The following PTPRG variants were observed in gnomAD, a reference collection of about 807,000 sequenced individuals.
PTPRG encodes the protein receptor-type tyrosine-protein phosphatase gamma.
PTPRG carries 102 observed loss-of-function variants against 165.3 expected under a neutral mutation model. That is an observed-to-expected ratio of 0.62 (90% CI 0.53 to 0.73). PTPRG has a LOEUF of 0.73. PTPRG is among the 30% of genes least tolerant of loss of function. The pLI is 0.00. For synonymous variants in PTPRG, 675 were observed against 669.5 expected (o/e 1.01, Z -0.13); for missense variants, 1,866 against 1,861.4 (o/e 1.00, Z -0.05).
chr3:62,073,817 G>A (rs185388676), intron 4 of PTPRG, among the ~76,000 whole-genome samples: 26 of 152,254 alleles, frequency 1.7e-4, no homozygotes, highest in African/African-American at 5.1e-4. Flanking sequence ...TGCCCTGTAC[G>A]CTTCCAACTG....
chr3:62,133,928 A>T (rs1703610222), intron 6 of PTPRG, among the ~76,000 whole-genome samples: 1 of 152,062 alleles, frequency 6.6e-6, no homozygotes, highest in Admixed American at 6.5e-5. Context: ...GGTTGCAGTG[A>T]GCCAAAATTG....
chr3:61,993,593 C>T (rs1312127592), intron 3 of PTPRG, among the ~76,000 whole-genome samples: 1 of 152,102 alleles, frequency 6.6e-6, no homozygotes, highest in East Asian at 1.9e-4. Context: ...TGCATTATTT[C>T]TTACAACTGC....
rs577492226 is a variant in PTPRG, at chr3:62,211,969, T to A, written c.2156-6882T>A. Among the ~76,000 whole-genome samples the A allele has an allele frequency of 4.9e-4, 74 of 151,966 alleles. 1 individual carries two copies. In the South Asian group the frequency reaches 5.8e-3, roughly 12 times the overall value. ...CTGTTTTTCTTTTCTTTTTTTTTTT[T>A]AATTTTTTTTTAAAAAGCAGAATGG... On this transcript the variant is annotated intron_variant, in intron 12 of 29. Coordinates refer to ENST00000474889, the MANE Select transcript of PTPRG (RefSeq NM_002841.4).
At chr3:61,968,259 C>CT (rs112456456) in intron 2 of PTPRG, among the ~76,000 whole-genome samples, 2,456 of 151,854 alleles carry the variant, frequency 0.016, 57 homozygotes, top group African/African-American at 0.051. Flanking sequence ...TCATATTCTG[C>CT]TTTTTTTTGC....
At chr3:61,673,395 C>G (rs537662995) in intron 1 of PTPRG, among the ~76,000 whole-genome samples, 1 of 152,206 alleles carries the variant, frequency 6.6e-6, no homozygotes, top group African/African-American at 2.4e-5. Flanking sequence ...AACACCAGCT[C>G]AAGACTTTAC....
intron 2 of PTPRG, among the ~76,000 whole-genome samples, chr3:61,925,054 C>G (rs958080003): frequency 2.7e-5 from 4 of 147,448 alleles, no homozygotes; most frequent in African/African-American, 1.0e-4. Context: ...ACTTCCTAGC[C>G]TCCAGAACTG....
chr3:62,284,572 C>G (rs963993086), intron 28 of PTPRG, among the ~76,000 whole-genome samples: 3 of 152,048 alleles, frequency 2.0e-5, no homozygotes, highest in African/African-American at 7.2e-5. Flanking sequence ...TGAACAGTTG[C>G]TAGCTCTAGT....
At chr3:62,032,733 G>A (rs1374220830) in intron 4 of PTPRG, among the ~76,000 whole-genome samples, 2 of 152,192 alleles carry the variant, frequency 1.3e-5, no homozygotes, top group African/African-American at 4.8e-5. Context: ...TTTCAGGAGT[G>A]ACATGTAGCT....
chr3:62,054,192 G>A (rs746352864), intron 4 of PTPRG, among the ~76,000 whole-genome samples: 1 of 152,038 alleles, frequency 6.6e-6, no homozygotes, highest in Non-Finnish European at 1.5e-5. Flanking sequence ...GTCATTCTTG[G>A]GACTCTCACA....
At chr3:61,810,171 G>A (rs1263479713) in intron 2 of PTPRG, among the ~76,000 whole-genome samples, 2 of 152,128 alleles carry the variant, frequency 1.3e-5, no homozygotes, top group East Asian at 1.9e-4. Context: ...AGGGAGTGCA[G>A]GATAAAATAA....
chr3:62,182,691 C>G (rs918611907), intron 8 of PTPRG, among the ~76,000 whole-genome samples: 3 of 152,212 alleles, frequency 2.0e-5, no homozygotes, highest in East Asian at 3.9e-4. Flanking sequence ...GATGGAGTCT[C>G]GCTCTGTCGC....
chr3:62,138,184 T>A (rs112679499), intron 6 of PTPRG, among the ~76,000 whole-genome samples: 8,577 of 152,282 alleles, frequency 0.056, 273 homozygotes, highest in African/African-American at 0.079. Context: ...ATTGCTTGAA[T>A]TTGCTTTTTG....
intron 1 of PTPRG, among the ~76,000 whole-genome samples, chr3:61,666,120 T>A (rs1293333039): frequency 1.3e-5 from 2 of 152,116 alleles, no homozygotes; most frequent in Non-Finnish European, 2.9e-5. Context: ...CAGAAAATCC[T>A]ATAAAGGAGA....
intron 1 of PTPRG, among the ~76,000 whole-genome samples, chr3:61,622,069 G>T (rs60781301): frequency 0.13 from 19,047 of 152,062 alleles, 1,351 homozygotes; most frequent in African/African-American, 0.19. Context: ...CAGTATTTGC[G>T]GGGCATACAT....
At chr3:62,060,541 C>T (rs984819594) in intron 4 of PTPRG, among the ~76,000 whole-genome samples, 2 of 152,216 alleles carry the variant, frequency 1.3e-5, no homozygotes, top group African/African-American at 2.4e-5. Flanking sequence ...CTCACAGTTG[C>T]ACTTACAGCT....
At chr3:61,702,618 G>A (rs980119730) in intron 1 of PTPRG, among the ~76,000 whole-genome samples, 1 of 152,210 alleles carries the variant, frequency 6.6e-6, no homozygotes, top group Non-Finnish European at 1.5e-5. Context: ...TCACCTGAGT[G>A]GCTGCCTTGC....
intron 5 of PTPRG, among the ~76,000 whole-genome samples, chr3:62,111,597 G>A (rs766385757): frequency 2.0e-5 from 3 of 152,094 alleles, no homozygotes; most frequent in Non-Finnish European, 4.4e-5. Flanking sequence ...CTACAGGCAC[G>A]CATCACCAAG....
chr3:61,734,375 C>T (rs542221030), intron 1 of PTPRG, among the ~76,000 whole-genome samples: 1 of 152,270 alleles, frequency 6.6e-6, no homozygotes, highest in South Asian at 2.1e-4. Flanking sequence ...TTTCCAGTTG[C>T]TCCTAATACC....
chr3:61,660,658 T>G (rs1445040469), intron 1 of PTPRG, among the ~76,000 whole-genome samples: 6 of 152,126 alleles, frequency 3.9e-5, no homozygotes, highest in African/African-American at 7.2e-5. Flanking sequence ...AGCACGTGGT[T>G]CAGTATAACA....
Sources: gnomAD v4.1 joint callset for allele counts (sites outside exome capture counted in the v4.1 genomes callset) on GRCh38, gnomAD v4.1.1 for gene constraint, MANE v1.5 for transcripts, NCBI Gene and HGNC (gene_info 2026-07-23, HGNC 2026-07-21) for gene names.